ZNF169: variants seen among roughly 807,000 people sequenced by gnomAD.
ZNF169 encodes the protein zinc finger protein 169.
ZNF169 carries 11 observed loss-of-function variants against 12.0 expected under a neutral mutation model. The ratio of observed to expected loss-of-function variants is 0.92; its 90% confidence interval spans 0.58 to 1.52. The LOEUF (loss-of-function observed/expected upper bound fraction) is 1.52, where lower values mean the gene tolerates loss of function less well. Ranked by LOEUF, ZNF169 falls within the 40% of genes most tolerant of loss-of-function variation. The probability of loss-of-function intolerance (pLI) is 0.00; values close to 1 mark genes in which losing one functional copy is unlikely to be tolerated. For synonymous variants in ZNF169, 302 were observed against 286.5 expected, an observed-to-expected ratio of 1.05 and a Z score of -0.55; for missense variants, 722 against 744.0, an observed-to-expected ratio of 0.97 and a Z score of 0.34.
intron 3 of ZNF169, 173 bp downstream of exon 3, chr9:94,292,640 T>TGTGTGTGTGCGC (rs35889937): frequency 4.5e-5 from 33 of 741,326 alleles, no homozygotes; most frequent in African/African-American, 4.2e-4. Flanking sequence ...TGTGTGTGTG[T>TGTGTGTGTGCGC]GCGCGTGCAC....
chr9:94,288,419 C>T, intron 2 of ZNF169: 3 of 1,262,666 alleles, frequency 2.4e-6, no homozygotes, highest in Non-Finnish European at 3.4e-6. Context: ...TTGGCTGAGC[C>T]TGAGCTTGTA....
intron 1 of ZNF169, among the ~76,000 whole-genome samples, chr9:94,261,680 C>T (rs1830210815): frequency 1.3e-5 from 2 of 152,158 alleles, no homozygotes; most frequent in South Asian, 2.1e-4. Context: ...AAATCCAGGT[C>T]TCTCCCTTTG....
intron 1 of ZNF169, among the ~76,000 whole-genome samples, chr9:94,270,141 A>T (rs1830364113): frequency 6.6e-6 from 1 of 152,216 alleles, no homozygotes; most frequent in Admixed American, 6.5e-5. Flanking sequence ...CCAGCCTTGT[A>T]TAAGGGCACT....
intron 4 of ZNF169, chr9:94,293,487 G>T (rs374301787): frequency 2.8e-5 from 11 of 388,380 alleles, no homozygotes; most frequent in East Asian, 1.1e-4. Flanking sequence ...CATGATCTCG[G>T]CTCACTGCAA....
At chr9:94,282,416 C>T (rs564287317) in intron 2 of ZNF169, among the ~76,000 whole-genome samples, 1 of 152,114 alleles carries the variant, frequency 6.6e-6, no homozygotes, top group African/African-American at 2.4e-5. Flanking sequence ...TATATTGGTT[C>T]GGTCTGGAAA....
chr9:94,267,753 G>C (rs1366008676), intron 1 of ZNF169, among the ~76,000 whole-genome samples: 1 of 152,062 alleles, frequency 6.6e-6, no homozygotes, highest in South Asian at 2.1e-4. Flanking sequence ...AGCTCTTCAC[G>C]AGTCCTGAAC....
rs750417258 is a variant in ZNF169 at position 94,292,477 on chromosome 9, G to A, written c.160+10G>A. The A allele has an allele frequency of 5.0e-6, 8 of 1,611,574 alleles. No homozygotes were observed. The highest frequency in any genetic ancestry group is 4.4e-5 in the South Asian group (4 of 90,890). On this transcript the variant is annotated intron_variant, in intron 3 of 4. Coordinates refer to ENST00000395395, the MANE Select transcript of ZNF169 (RefSeq NM_194320.4). ...CATCTGGTCTCCCTGGGTAAGGCTGGCCTGTTTAAGGTTTCAGATTCTGCT... is the reference window on the plus strand; with the variant it reads ...CATCTGGTCTCCCTGGGTAAGGCTGACCTGTTTAAGGTTTCAGATTCTGCT...
chr9:94,301,058 C>G lies in ZNF169; in HGVS notation c.1500C>G (p.Leu500=), dbSNP rs1564095352. ...GGCGTGCATTTGGCTTTAAGTCGCTCCTCACCCGACACCAGAGGACACACT... is the reference window on the plus strand; with the variant it reads ...GGCGTGCATTTGGCTTTAAGTCGCTGCTCACCCGACACCAGAGGACACACT... The part of the protein sequence containing the change: ...KCGRAFGFKS[L]LTRHQRTHSE... Residue 500 remains leucine (L), a synonymous_variant, in exon 5 of 5, where the codon CTC becomes CTG. Transcript: ENST00000395395. The G allele has an allele frequency of 1.2e-6, 2 of 1,614,062 alleles. No homozygotes were observed. Among genetic ancestry groups the G allele is most frequent in the East Asian group, 2.2e-5 (1 of 44,870 alleles).
Position 94,301,455 on chromosome 9 carries a change from T to C in ZNF169, c.*85T>C. The C allele has an allele frequency of 6.9e-7, 1 of 1,442,526 alleles. No individual in the cohort carries two copies. Among genetic ancestry groups the C allele is most frequent in the East Asian group, 2.5e-5 (1 of 40,014 alleles). The allele number at this position is 1,442,526 out of a possible 1,614,324, so 89.4% of individuals were successfully genotyped here. On this transcript the variant is annotated 3_prime_UTR_variant, in exon 5 of 5. Coordinates refer to ENST00000395395, the MANE Select transcript of ZNF169 (RefSeq NM_194320.4). ...CTGAAATGGAATGGAAAAAAAAAAA[T>C]GTTGCTTTCTTTCATCGATCATGAG...
At chr9:94,270,903 ATATAT>A (rs751276301) in intron 1 of ZNF169, among the ~76,000 whole-genome samples, 4,176 of 23,828 alleles carry the variant, frequency 0.18, 676 homozygotes, top group African/African-American at 0.46. Flanking sequence ...ATAATAATAT[ATATAT>A]TATATTATAT....
At chr9:94,288,833 T>C (rs1830771003) in intron 2 of ZNF169, among the ~76,000 whole-genome samples, 1 of 152,146 alleles carries the variant, frequency 6.6e-6, no homozygotes, top group African/African-American at 2.4e-5. Flanking sequence ...CCTTTTTTTT[T>C]CATAAATTAC....
intron 1 of ZNF169, among the ~76,000 whole-genome samples, chr9:94,260,678 G>A (rs1013124369): frequency 6.6e-6 from 1 of 152,080 alleles, no homozygotes; most frequent in Non-Finnish European, 1.5e-5. Flanking sequence ...CCTTCCGGGA[G>A]CATGGGTTGC....
chr9:94,300,826 C>G lies in ZNF169; in HGVS notation c.1268C>G (p.Thr423Arg), dbSNP rs1831054340. ...QKVTLIRHQRTHTGEKPYLCP... is the reference protein window; with the variant it reads ...QKVTLIRHQRRHTGEKPYLCP... ...GTCACTCTCATCAGGCACCAGAGGA[C>G]ACACACAGGGGAGAAGCCTTACCTG... Residue 423 changes from threonine (T) to arginine (R), a missense_variant, in exon 5 of 5, where the codon ACA becomes AGA. By Grantham distance (71) the Thr-to-Arg change is moderately conservative (BLOSUM62 -1). Transcript: ENST00000395395. 1.2e-6 allele frequency: 2 copies of G among 1,614,100 alleles called. No individual in the cohort carries two copies. The highest frequency in any genetic ancestry group is 1.7e-6 in the Non-Finnish European group (2 of 1,180,008).
chr9:94,270,717 TA>T lies in ZNF169; in HGVS notation c.-55-8039del, dbSNP rs1466318762. Among the ~76,000 whole-genome samples, 104 of 29,730 alleles carry T rather than the reference TA, an allele frequency of 3.5e-3. 3 individuals carry two copies. Among genetic ancestry groups the T allele is most frequent in the Middle Eastern group, 0.029 (1 of 34 alleles). The allele number at this position is 29,730 out of a possible 152,430, so 19.5% of individuals were successfully genotyped here. A position where few individuals can be genotyped will look rare whatever the true frequency, so the allele number is the denominator to read the frequency against. ...ATAATTTATATAATTATATAATATA[TA>T]ATATTATATATTATATAATTAATGT... On this transcript the variant is annotated intron_variant, in intron 1 of 4. Coordinates refer to ENST00000395395, the MANE Select transcript of ZNF169 (RefSeq NM_194320.4).
In ZNF169 at chr9:94,301,185, AT is replaced by A; in HGVS notation, c.1630del (p.Cys544AlafsTer75). ...QRTHSGEKPC[I>X]CDECGRGFGF... Reference sequence around the variant, plus strand: ...GACACACTCAGGAGAGAAGCCCTGCATTTGCGATGAATGTGGGCGCGGCTTT... The same window carrying A: ...GACACACTCAGGAGAGAAGCCCTGCATTGCGATGAATGTGGGCGCGGCTTT... On this transcript the variant is annotated frameshift_variant, in exon 5 of 5. Transcript: ENST00000395395. LOFTEE classifies it low-confidence loss of function (END_TRUNC). 1 of 1,613,304 alleles carries A rather than the reference AT, an allele frequency of 6.2e-7. No homozygotes were observed. Among genetic ancestry groups the A allele is most frequent in the Non-Finnish European group, 8.5e-7 (1 of 1,179,884 alleles).
In ZNF169 at chr9:94,291,047, C is replaced by CTTTT. The variant is rs59027045; in HGVS notation, c.34-1272_34-1269dup. Among the ~76,000 whole-genome samples, 368 of 59,558 alleles carry CTTTT rather than the reference C, an allele frequency of 6.2e-3. 9 individuals are homozygous for CTTTT. The highest frequency in any genetic ancestry group is 0.033 in the Middle Eastern group (2 of 60). 39.1% of individuals were successfully genotyped at this position (59,558 alleles called of 152,430 possible). ...TGATTCTGGTCTATGGAACAGTATT[C>CTTTT]TTTTTTTTTTTTTTTTTTTTTTTTT... is the stretch of plus-strand genomic sequence containing the variant. On this transcript the variant is annotated intron_variant, in intron 2 of 4. Coordinates refer to ENST00000395395, the MANE Select transcript of ZNF169 (RefSeq NM_194320.4).
At chr9:94,270,026 T>C (rs575448257) in intron 1 of ZNF169, among the ~76,000 whole-genome samples, 5 of 152,190 alleles carry the variant, frequency 3.3e-5, no homozygotes, top group Non-Finnish European at 7.3e-5. Context: ...CAATAAAATT[T>C]GTTTAATCCT....
At chr9:94,283,700 A>T (rs1313384358) in intron 2 of ZNF169, among the ~76,000 whole-genome samples, 1 of 152,236 alleles carries the variant, frequency 6.6e-6, no homozygotes, top group Non-Finnish European at 1.5e-5. Context: ...CAAGGAAACC[A>T]TGGACATGGA....
At position 94,293,172 on chromosome 9, in the gene ZNF169, C is replaced by T. The variant is rs368719049; in HGVS notation, c.256+103C>T. On this transcript the variant is annotated intron_variant, in intron 4 of 4. Transcript: ENST00000395395. ...GAGGTGCTAGGAGGAAGTTCTTCTT[C>T]AGGCCTCCTAGGCCACTGGTAAAGG... is the stretch of plus-strand genomic sequence containing the variant. 82 of 1,045,608 alleles carry T rather than the reference C, an allele frequency of 7.8e-5. 1 individual carries two copies. In the Middle Eastern group the frequency reaches 2.4e-3, roughly 30 times the overall value. 64.8% of individuals were successfully genotyped at this position (1,045,608 alleles called of 1,614,324 possible).
Sources: allele counts gnomAD v4.1 joint callset (sites outside exome capture counted in the v4.1 genomes callset), GRCh38; gene constraint gnomAD v4.1.1; transcripts MANE v1.5; gene names NCBI Gene and HGNC (gene_info 2026-07-23, HGNC 2026-07-21).